GRM8: variants seen among roughly 807,000 people sequenced by gnomAD.
The protein encoded by GRM8 is glutamate metabotropic receptor 8, also known as metabotropic glutamate receptor 8.
A neutral mutation model predicts 87.2 loss-of-function variants in GRM8; 47 were observed. That is an observed-to-expected ratio of 0.54 (90% CI 0.43 to 0.69). The LOEUF is 0.69. Among genes scored for constraint, GRM8 ranks in the 30% least tolerant of loss-of-function variants. The pLI is 0.00. For synonymous variants in GRM8, 396 were observed against 404.5 expected, an observed-to-expected ratio of 0.98 and a Z score of 0.25; for missense variants, 1,019 against 1,139.2, an observed-to-expected ratio of 0.89 and a Z score of 1.52.
At chr7:127,009,950 C>T (rs190979324) in intron 3 of GRM8, among the ~76,000 whole-genome samples, 176 of 152,088 alleles carry the variant, frequency 1.2e-3, no homozygotes, top group African/African-American at 4.1e-3. Flanking sequence ...TTCAAGGATC[C>T]CCCTGCCTCA....
chr7:126,993,977 G>A (rs1031822661), intron 3 of GRM8, among the ~76,000 whole-genome samples: 3 of 152,164 alleles, frequency 2.0e-5, no homozygotes, highest in African/African-American at 7.2e-5. Flanking sequence ...GGATTGGGGT[G>A]GCACATGGCC....
chr7:126,847,424 ATTTATTT>A (rs1386741817), intron 6 of GRM8, among the ~76,000 whole-genome samples: 8 of 152,176 alleles, frequency 5.3e-5, no homozygotes, highest in African/African-American at 1.7e-4. Context: ...CAACAGCAAA[ATTTATTT>A]TGCGTATGAC....
Position 126,756,320 on chromosome 7 carries a change from G to A in GRM8, c.1357+13545C>T, listed in dbSNP as rs555125343. Among the ~76,000 whole-genome samples the A allele has an allele frequency of 2.0e-4, 31 of 152,088 alleles. No individual in the cohort carries two copies. In the South Asian group the frequency reaches 2.9e-3, roughly 14 times the overall value. ...GGGAAAACTATTAAAACTATTAGACGATAATAACATAGAAGAAAGTCTAAA... is the reference window on the plus strand; with the variant it reads ...GGGAAAACTATTAAAACTATTAGACAATAATAACATAGAAGAAAGTCTAAA... On this transcript the variant is annotated intron_variant, in intron 7 of 10. Transcript: ENST00000339582.
intron 3 of GRM8, among the ~76,000 whole-genome samples, chr7:127,005,170 T>C (rs1266985871): frequency 1.3e-5 from 2 of 149,708 alleles, no homozygotes; most frequent in Non-Finnish European, 3.0e-5. Context: ...GAAAGAGAAC[T>C]CCATATTTGT....
At chr7:127,169,065 C>T (rs911054579) in intron 2 of GRM8, among the ~76,000 whole-genome samples, 1 of 144,436 alleles carries the variant, frequency 6.9e-6, no homozygotes, top group African/African-American at 2.6e-5. Flanking sequence ...GAATAAAAAT[C>T]AAAAATAAGC....
At chr7:127,046,582 C>T (rs942738564) in intron 3 of GRM8, among the ~76,000 whole-genome samples, 1 of 152,064 alleles carries the variant, frequency 6.6e-6, no homozygotes, top group African/African-American at 2.4e-5. Flanking sequence ...AATAAGTTAA[C>T]ACATGCCTAG....
At chr7:126,610,050 T>G (rs58436844) in intron 7 of GRM8, among the ~76,000 whole-genome samples, 48,650 of 152,012 alleles carry the variant, frequency 0.32, 8,416 homozygotes, top group East Asian at 0.43. Context: ...GGGTGAGGCA[T>G]TGATCTATGG....
intron 8 of GRM8, among the ~76,000 whole-genome samples, chr7:126,590,560 T>C (rs955228355): frequency 2.0e-5 from 3 of 152,110 alleles, no homozygotes; most frequent in East Asian, 1.9e-4. Flanking sequence ...TTATCACCTA[T>C]ACACATTGTC....
chr7:126,976,088 G>A (rs1810957723), intron 3 of GRM8, among the ~76,000 whole-genome samples: 1 of 152,112 alleles, frequency 6.6e-6, no homozygotes, highest in African/African-American at 2.4e-5. Context: ...GGATATGGAT[G>A]ACTTTCTCAT....
chr7:127,187,839 T>A (rs1172011833), intron 2 of GRM8, among the ~76,000 whole-genome samples: 1 of 152,216 alleles, frequency 6.6e-6, no homozygotes, highest in African/African-American at 2.4e-5. Context: ...TTCAAATGAC[T>A]GAATGTACTC....
intron 7 of GRM8, among the ~76,000 whole-genome samples, chr7:126,707,374 G>A (rs961144690): frequency 1.3e-5 from 2 of 152,126 alleles, no homozygotes; most frequent in African/African-American, 4.8e-5. Context: ...AAGCCAGCTG[G>A]AAACAAGATG....
chr7:126,505,316 A>G (rs989636186), intron 9 of GRM8, among the ~76,000 whole-genome samples: 2 of 152,080 alleles, frequency 1.3e-5, no homozygotes, highest in African/African-American at 4.8e-5. Flanking sequence ...TACCTTAAGT[A>G]TCTTCTCGAA....
At chr7:126,529,720 G>A (rs976625241) in intron 9 of GRM8, among the ~76,000 whole-genome samples, 1 of 152,092 alleles carries the variant, frequency 6.6e-6, no homozygotes, top group African/African-American at 2.4e-5. Flanking sequence ...GCCCAATTAA[G>A]GATGATAAAA....
chr7:126,778,661 T>C (rs1277098037), intron 6 of GRM8, among the ~76,000 whole-genome samples: 2 of 152,140 alleles, frequency 1.3e-5, no homozygotes, highest in Non-Finnish European at 2.9e-5. Context: ...TGATATATCA[T>C]AGTTAATGTT....
intron 3 of GRM8, among the ~76,000 whole-genome samples, chr7:126,916,682 CA>C (rs1311688412): frequency 2.0e-5 from 3 of 152,192 alleles, no homozygotes; most frequent in Non-Finnish European, 4.4e-5. Flanking sequence ...GCATTTTCAA[CA>C]GATACAGTGG....
At chr7:126,476,963 A>G (rs187012845) in intron 9 of GRM8, among the ~76,000 whole-genome samples, 1 of 152,310 alleles carries the variant, frequency 6.6e-6, no homozygotes, top group East Asian at 1.9e-4. Flanking sequence ...ATTATTCACA[A>G]TAGCAGAGAT....
At chr7:126,870,244 C>A (rs543989322) in intron 6 of GRM8, 124 of 152,308 alleles carry the variant, frequency 8.1e-4, no homozygotes, top group African/African-American at 3.0e-3. Flanking sequence ...CTTAAGGGAA[C>A]ATTGTGGCTC....
intron 2 of GRM8, among the ~76,000 whole-genome samples, chr7:127,194,215 T>C (rs1023091861): frequency 6.6e-6 from 1 of 152,238 alleles, no homozygotes; most frequent in Admixed American, 6.5e-5. Context: ...ATGTGGGCTT[T>C]AGAGTTGGAG....
chr7:126,930,880 T>TC, intron 3 of GRM8, among the ~76,000 whole-genome samples: 1 of 151,942 alleles, frequency 6.6e-6, no homozygotes, highest in Non-Finnish European at 1.5e-5. Context: ...AACTCTCTCT[T>TC]TGTCTGCTTT....
Sources: gnomAD v4.1 joint callset for allele counts (sites outside exome capture counted in the v4.1 genomes callset) on GRCh38, gnomAD v4.1.1 for gene constraint, MANE v1.5 for transcripts, NCBI Gene and HGNC (gene_info 2026-07-23, HGNC 2026-07-21) for gene names.